RFTN1: variants seen among roughly 807,000 people sequenced by gnomAD.
RFTN1 encodes the protein raftlin, lipid raft linker 1.
Under a neutral mutation model 46.5 loss-of-function variants are expected in RFTN1, and 26 were observed. The ratio of observed to expected loss-of-function variants is 0.56; its 90% CI spans 0.41 to 0.78. RFTN1 has a LOEUF of 0.78. RFTN1 is among the 30% of genes least tolerant of loss of function. The pLI, the probability that RFTN1 is intolerant of heterozygous loss-of-function variation, is 0.00. For missense variants in RFTN1, 693 were observed against 718.7 expected (o/e 0.96, Z 0.41); for synonymous variants, 261 against 284.2 (o/e 0.92, Z 0.82).
rs2076696434 is a variant in RFTN1 at position 16,500,677 on chromosome 3, G to A, written c.-8-6800C>T. Among the ~76,000 whole-genome samples the A allele has an allele frequency of 6.6e-6, 1 of 152,216 alleles. No homozygotes were observed. Among genetic ancestry groups the A allele is most frequent in the Admixed American group, 6.5e-5 (1 of 15,286 alleles). On this transcript the variant is annotated intron_variant, in intron 1 of 9. Transcript: ENST00000334133. This position sits in a 1 kb window ranked among gnomAD's most constrained non-coding sequence, Gnocchi z 5.9. ...TGATCTTCTGGAAAAAATTTTGGCT[G>A]AATCAAACCTTAAGTGGGATGTCTC...
intron 3 of RFTN1, among the ~76,000 whole-genome samples, chr3:16,423,487 AAT>A (rs1233744671): frequency 6.6e-6 from 1 of 152,212 alleles, no homozygotes; most frequent in East Asian, 1.9e-4. Context: ...GACAGGTGCC[AAT>A]GTGAAAACCG....
rs938175679 is a variant in RFTN1 at position 16,468,968 on chromosome 3, C to A, written c.145+24757G>T. ...CCATTCCCCCCATCACTCAGCCTGC[C>A]TGAATCGCATCTGACACTGGCCACT... On this transcript the variant is annotated intron_variant, in intron 2 of 9. Transcript: ENST00000334133. This position sits in a 1 kb window ranked among gnomAD's most constrained non-coding sequence, Gnocchi z 4.4. Among the ~76,000 whole-genome samples the A allele has an allele frequency of 6.6e-6, 1 of 152,260 alleles. No individual in the cohort carries two copies. Among genetic ancestry groups the A allele is most frequent in the Non-Finnish European group, 1.5e-5 (1 of 68,046 alleles).
intron 2 of RFTN1, among the ~76,000 whole-genome samples, chr3:16,438,663 C>A (rs995727420): frequency 1.3e-5 from 2 of 149,498 alleles, no homozygotes; most frequent in Non-Finnish European, 3.0e-5. Flanking sequence ...TGCCTGCTAA[C>A]CCCAGTCATG....
At chr3:16,455,391 C>G (rs1334450605) in intron 2 of RFTN1, among the ~76,000 whole-genome samples, 2 of 152,148 alleles carry the variant, frequency 1.3e-5, no homozygotes, top group South Asian at 4.1e-4. Flanking sequence ...TTTTTCAAAT[C>G]CACTGGGAAG....
rs546650692 is a variant in RFTN1 at position 16,369,961 on chromosome 3, G to T, written c.1030+115C>A. On this transcript the variant is annotated intron_variant, in intron 6 of 9. Coordinates refer to ENST00000334133, the MANE Select transcript of RFTN1 (RefSeq NM_015150.2). ...TTAATTAGAAATAAAATGCAGCATG[G>T]TTATCGGCTGCAGAGCTTTCTGAAT... is the stretch of plus-strand genomic sequence containing the variant. The T allele has an allele frequency of 5.2e-6, 5 of 963,812 alleles. No homozygotes were observed. In the African/African-American group the frequency reaches 6.5e-5, roughly 12 times the overall value. The allele number at this position is 963,812 out of a possible 1,614,324, so 59.7% of individuals were successfully genotyped here.
chr3:16,372,278 C>T (rs139008947), intron 5 of RFTN1, among the ~76,000 whole-genome samples: 1 of 152,226 alleles, frequency 6.6e-6, no homozygotes, highest in East Asian at 1.9e-4. Context: ...CAACAAGGAC[C>T]CTGAGACACT....
In RFTN1 at chr3:16,441,119, AT is replaced by A. The variant is rs57665377; in HGVS notation, c.146-7083del. On this transcript the variant is annotated intron_variant, in intron 2 of 9. Coordinates refer to ENST00000334133, the MANE Select transcript of RFTN1 (RefSeq NM_015150.2). ...ATTGCATTTTGAATCTTTTGGAAAT[AT>A]TTTTTTTTATTCCAGACTCTATTAC... 5.6e-3 allele frequency among the ~76,000 whole-genome samples: 846 copies of A among 151,628 alleles called. 9 individuals carry two copies. The highest frequency in any genetic ancestry group is 0.019 in the African/African-American group (787 of 41,370).
chr3:16,378,195 G>A (rs2073855227), intron 4 of RFTN1, 93 bp from the exon 5 acceptor site: 4 of 1,076,176 alleles, frequency 3.7e-6, no homozygotes, highest in East Asian at 2.4e-5. Flanking sequence ...CGAGGCCTGC[G>A]AGGCTGTTTC....
rs1412247501 is a variant in RFTN1 at position 16,356,714 on chromosome 3, A to C, written c.1146+1218T>G. On this transcript the variant is annotated intron_variant, in intron 7 of 9. Transcript: ENST00000334133. The surrounding 1 kb of genome is among the most constrained non-coding windows in gnomAD (Gnocchi z 4.9). ...GTCCCAGTGCCCCACACTCCTCACA[A>C]AGGGTTGTATCCACCTCTGTCTTCC... Among the ~76,000 whole-genome samples the C allele has an allele frequency of 6.6e-6, 1 of 152,088 alleles. No homozygotes were observed. Among genetic ancestry groups the C allele is most frequent in the Non-Finnish European group, 1.5e-5 (1 of 68,010 alleles).
chr3:16,469,326 T>C (rs1445368253), intron 2 of RFTN1, among the ~76,000 whole-genome samples: 3 of 152,194 alleles, frequency 2.0e-5, no homozygotes, highest in Admixed American at 6.5e-5. Flanking sequence ...TGTGAGTCGG[T>C]TGTTGTTATT....
In RFTN1 at chr3:16,384,457, G is replaced by C. The variant is rs531896837; in HGVS notation, c.442-6355C>G. Among the ~76,000 whole-genome samples, 2 of 152,166 alleles carry C rather than the reference G, an allele frequency of 1.3e-5. No individual in the cohort carries two copies. The highest frequency in any genetic ancestry group is 2.9e-5 in the Non-Finnish European group (2 of 68,034). ...GACAACTAGGACTTCATCTGGTATC[G>C]ATTCCAGGTCCTACGTGAGAGGCTG... On this transcript the variant is annotated intron_variant, in intron 4 of 9. Transcript: ENST00000334133. This position sits in a 1 kb window ranked among gnomAD's most constrained non-coding sequence, Gnocchi z 4.7.
At chr3:16,445,232 T>C (rs531153842) in intron 2 of RFTN1, among the ~76,000 whole-genome samples, 1 of 152,224 alleles carries the variant, frequency 6.6e-6, no homozygotes, top group African/African-American at 2.4e-5. Context: ...GGAGTCTCAG[T>C]TTCAACTAAG....
Position 16,337,774 on chromosome 3 carries a change from C to T in RFTN1, c.1147-10898G>A, listed in dbSNP as rs1202966079. Among the ~76,000 whole-genome samples the T allele has an allele frequency of 6.6e-6, 1 of 151,680 alleles. No homozygotes were observed. Among genetic ancestry groups the T allele is most frequent in the East Asian group, 1.9e-4 (1 of 5,150 alleles). On this transcript the variant is annotated intron_variant, in intron 7 of 9. Transcript: ENST00000334133. This position sits in a 1 kb window ranked among gnomAD's most constrained non-coding sequence, Gnocchi z 5.0. ...AAAAAAAAAGAAAAGAAAGTCACCT[C>T]ATTTGATTTGAGAGAAATACAATGA... is the stretch of plus-strand genomic sequence containing the variant.
At chr3:16,360,987 T>G (rs2072789586) in intron 6 of RFTN1, among the ~76,000 whole-genome samples, 2 of 152,228 alleles carry the variant, frequency 1.3e-5, no homozygotes, top group Non-Finnish European at 1.5e-5. Flanking sequence ...TAGAATTACA[T>G]ATAATTTGAG....
chr3:16,343,366 A>G (rs1006967267), intron 7 of RFTN1, among the ~76,000 whole-genome samples: 1 of 152,182 alleles, frequency 6.6e-6, no homozygotes, highest in Non-Finnish European at 1.5e-5. Flanking sequence ...CTTACAATCA[A>G]CAAAAACAGT....
intron 2 of RFTN1, among the ~76,000 whole-genome samples, chr3:16,441,018 G>T (rs2075610788): frequency 6.6e-6 from 1 of 152,164 alleles, no homozygotes; most frequent in Admixed American, 6.5e-5. Context: ...GCAGGTATTT[G>T]ATACTGGCCT....
intron 2 of RFTN1, among the ~76,000 whole-genome samples, chr3:16,478,116 C>G (rs570835362): frequency 6.6e-6 from 1 of 152,188 alleles, no homozygotes; most frequent in Non-Finnish European, 1.5e-5. Context: ...CTGCTAAGCA[C>G]TCACAGCTGC....
chr3:16,379,892 A>G (rs2073924810), intron 4 of RFTN1, among the ~76,000 whole-genome samples: 1 of 152,262 alleles, frequency 6.6e-6, no homozygotes, highest in Admixed American at 6.5e-5. Flanking sequence ...AGGCTGAGGA[A>G]AGCCACTGCA....
At position 16,450,259 on chromosome 3, in the gene RFTN1, G is replaced by T. The variant is rs1197516082; in HGVS notation, c.146-16222C>A. 6.6e-6 allele frequency among the ~76,000 whole-genome samples: 1 copy of T among 152,292 alleles called. No individual in the cohort carries two copies. The highest frequency in any genetic ancestry group is 1.9e-4 in the East Asian group (1 of 5,192). The stretch of plus-strand genomic sequence containing the variant: ...TAAATTCTCCTCCCACCTCAGGCCT[G>T]CCTTGCTTGCAGCTCTGTCTGGGAG... On this transcript the variant is annotated intron_variant, in intron 2 of 9. Coordinates refer to ENST00000334133, the MANE Select transcript of RFTN1 (RefSeq NM_015150.2). The surrounding 1 kb of genome is among the most constrained non-coding windows in gnomAD (Gnocchi z 4.6).
Sources: allele counts gnomAD v4.1 joint callset (sites outside exome capture counted in the v4.1 genomes callset), GRCh38; gene constraint gnomAD v4.1.1; non-coding constraint Gnocchi (gnomAD v3.1); transcripts MANE v1.5; gene names NCBI Gene and HGNC (gene_info 2026-07-23, HGNC 2026-07-21).